TNRC6B: variants seen among roughly 807,000 people sequenced by gnomAD.
TNRC6B encodes trinucleotide repeat containing adaptor 6B.
Under a neutral mutation model 203.6 loss-of-function variants are expected in TNRC6B, and 52 were observed. The ratio of observed to expected loss-of-function variants is 0.26; its 90% confidence interval spans 0.20 to 0.32. The LOEUF is 0.32. Ranked by LOEUF, TNRC6B falls within the 10% of genes least tolerant of loss-of-function variation. The pLI is 1.00. For synonymous variants in TNRC6B, 838 were observed against 845.7 expected (o/e 0.99, Z 0.16); for missense variants, 1,923 against 2,286.2 (o/e 0.84, Z 3.24).
intron 12 of TNRC6B, among the ~76,000 whole-genome samples, chr22:40,290,119 T>C (rs1601493605): frequency 6.6e-6 from 1 of 152,202 alleles, no homozygotes; most frequent in East Asian, 1.9e-4. Context: ...TTTGCCTGTC[T>C]CACGTCTGAG....
intron 12 of TNRC6B, among the ~76,000 whole-genome samples, chr22:40,288,471 G>A (rs1321855953): frequency 6.6e-6 from 1 of 152,170 alleles, no homozygotes; most frequent in Non-Finnish European, 1.5e-5. Flanking sequence ...TTGGGAGGCT[G>A]AGGCAGGCAG....
At chr22:40,240,075 C>A (rs1218476669) in intron 1 of TNRC6B, among the ~76,000 whole-genome samples, 1 of 152,116 alleles carries the variant, frequency 6.6e-6, no homozygotes, top group East Asian at 1.9e-4. Flanking sequence ...TCATGATTTG[C>A]CCGCCTCAGC....
intron 1 of TNRC6B, among the ~76,000 whole-genome samples, chr22:40,228,035 G>T (rs149517250): frequency 2.0e-5 from 3 of 152,076 alleles, no homozygotes; most frequent in Non-Finnish European, 4.4e-5. Context: ...TAGTTTCTTC[G>T]CTGTCAAGTG....
intron 21 of TNRC6B, among the ~76,000 whole-genome samples, chr22:40,318,670 T>C (rs1228231340): frequency 6.6e-6 from 1 of 152,150 alleles, no homozygotes; most frequent in Admixed American, 6.5e-5. Flanking sequence ...CTAAGAGTTG[T>C]CACACAATGT....
At chr22:40,267,902 G>A (rs1278239216) in intron 5 of TNRC6B, among the ~76,000 whole-genome samples, 11 of 152,014 alleles carry the variant, frequency 7.2e-5, no homozygotes, top group Admixed American at 7.2e-4. Flanking sequence ...AGGATAGTCA[G>A]TTGCCCAGAA....
At chr22:40,199,447 TC>T (rs978226122) in intron 1 of TNRC6B, among the ~76,000 whole-genome samples, 6 of 152,266 alleles carry the variant, frequency 3.9e-5, no homozygotes, top group Admixed American at 2.0e-4. Flanking sequence ...TCTGCAGTGT[TC>T]CTGCCAAGGC....
At chr22:40,215,874 G>A (rs1280945643) in intron 1 of TNRC6B, among the ~76,000 whole-genome samples, 1 of 152,218 alleles carries the variant, frequency 6.6e-6, no homozygotes, top group Non-Finnish European at 1.5e-5. Flanking sequence ...CTGCATCTCA[G>A]CTTCTCCTTC....
At chr22:40,126,377 C>T (rs547031326) in intron 3 of TNRC6B, among the ~76,000 whole-genome samples, 1 of 152,062 alleles carries the variant, frequency 6.6e-6, no homozygotes, top group South Asian at 2.1e-4. Context: ...AAGAGCTTGT[C>T]TTTGAACCCT....
intron 18 of TNRC6B, 32 bp from the exon 19 acceptor site, chr22:40,312,870 C>A: frequency 6.3e-7 from 1 of 1,586,608 alleles, no homozygotes; most frequent in Non-Finnish European, 8.6e-7. Flanking sequence ...CATTTATCTT[C>A]AGTATTTTCT....
chr22:40,095,547 AATG>A (rs1348962749), intron 1 of TNRC6B, among the ~76,000 whole-genome samples: 1 of 152,070 alleles, frequency 6.6e-6, no homozygotes, highest in African/African-American at 2.4e-5. Flanking sequence ...CAAAACAAAT[AATG>A]ATATTACCAC....
At chr22:40,166,022 C>G (rs561782335) in intron 4 of TNRC6B, among the ~76,000 whole-genome samples, 1 of 152,056 alleles carries the variant, frequency 6.6e-6, no homozygotes, top group Non-Finnish European at 1.5e-5. Context: ...CTAGCCAAGT[C>G]TGAACCTTTT....
chr22:40,178,436 T>C (rs2069091968), intron 1 of TNRC6B, among the ~76,000 whole-genome samples: 1 of 152,340 alleles, frequency 6.6e-6, no homozygotes, highest in East Asian at 1.9e-4. Flanking sequence ...ATTGGAAATT[T>C]GCTATTTAGA....
At position 40,330,534 on chromosome 22, in the gene TNRC6B, T is replaced by C. The variant is rs954282676; in HGVS notation, c.*7293T>C. 3 of 152,564 alleles carry C rather than the reference T, an allele frequency of 2.0e-5. No individual in the cohort carries two copies. Among genetic ancestry groups the C allele is most frequent in the African/African-American group, 4.8e-5 (2 of 41,434 alleles). 9.5% of individuals were successfully genotyped at this position (152,564 alleles called of 1,614,324 possible). ...TTTAGGCAAAACAAAATAAAAACCT[T>C]TGGAACCCTTTAAGAAGTTACATAC... On this transcript the variant is annotated 3_prime_UTR_variant, in exon 23 of 23. Transcript: ENST00000454349.
intron 12 of TNRC6B, among the ~76,000 whole-genome samples, chr22:40,293,105 T>G (rs373442277): frequency 4.9e-4 from 74 of 152,154 alleles, no homozygotes; most frequent in African/African-American, 1.8e-3. Context: ...ATTTACCTAT[T>G]CTACTACCAG....
At chr22:40,164,896 C>G (rs924191073) in intron 4 of TNRC6B, among the ~76,000 whole-genome samples, 2 of 151,200 alleles carry the variant, frequency 1.3e-5, no homozygotes, top group Non-Finnish European at 3.0e-5. Context: ...GTTCTCCTGC[C>G]TCAGCTTCCC....
chr22:40,137,754 C>T (rs1307941413), intron 3 of TNRC6B, among the ~76,000 whole-genome samples: 13 of 152,028 alleles, frequency 8.6e-5, no homozygotes, highest in Non-Finnish European at 1.3e-4. Flanking sequence ...GAGGCCGAGG[C>T]GGGTGGATTA....
chr22:40,125,632 C>T, intron 2 of TNRC6B: 1 of 359,610 alleles, frequency 2.8e-6, no homozygotes, highest in Non-Finnish European at 5.1e-6. Context: ...TGTGCATAGA[C>T]ACACACACAC....
At chr22:40,202,283 C>A (rs2069425010) in intron 1 of TNRC6B, among the ~76,000 whole-genome samples, 1 of 79,688 alleles carries the variant, frequency 1.3e-5, no homozygotes, top group Admixed American at 9.4e-5. Context: ...TTGCCTTTGG[C>A]AGACCTGTTT....
intron 1 of TNRC6B, among the ~76,000 whole-genome samples, chr22:40,097,181 T>C (rs2068192335): frequency 6.6e-6 from 1 of 152,242 alleles, no homozygotes; most frequent in African/African-American, 2.4e-5. Context: ...AGGAATGACA[T>C]GATCAGATTT....
Sources: allele counts gnomAD v4.1 joint callset (sites outside exome capture counted in the v4.1 genomes callset), GRCh38; gene constraint gnomAD v4.1.1; transcripts MANE v1.5; gene names NCBI Gene and HGNC (gene_info 2026-07-23, HGNC 2026-07-21).